Variants in SLC12A8 observed in about 807,000 individuals in gnomAD.
SLC12A8 encodes the protein solute carrier family 12 member 8, also known as cation-chloride cotransporter 9.
Under a neutral mutation model 75.6 loss-of-function variants are expected in SLC12A8, and 69 were observed. The observed-to-expected ratio is 0.91, with a 90% CI of 0.75 to 1.11. SLC12A8 has a LOEUF of 1.11. Among genes scored for constraint, SLC12A8 ranks in the 50% most tolerant of loss-of-function variants. The pLI is 0.00. For synonymous variants in SLC12A8, 365 were observed against 372.8 expected, an observed-to-expected ratio of 0.98 and a Z score of 0.24; for missense variants, 877 against 896.7, an observed-to-expected ratio of 0.98 and a Z score of 0.28.
At chr3:125,189,132 C>T (rs1199120677) in intron 3 of SLC12A8, among the ~76,000 whole-genome samples, 1 of 152,212 alleles carries the variant, frequency 6.6e-6, no homozygotes, top group Admixed American at 6.5e-5. Context: ...GGAGATTACC[C>T]TCCATAGTAT....
intron 2 of SLC12A8, among the ~76,000 whole-genome samples, chr3:125,194,070 G>A: frequency 6.6e-6 from 1 of 152,218 alleles, no homozygotes; most frequent in East Asian, 1.9e-4. Context: ...GCAAAGTAGA[G>A]ATAGAGGATG....
At chr3:125,202,650 T>TAAAAAAA (rs371036226) in intron 2 of SLC12A8, among the ~76,000 whole-genome samples, 59,004 of 149,650 alleles carry the variant, frequency 0.39, 13,242 homozygotes, top group Non-Finnish European at 0.5. Context: ...TTTTTTTTTT[T>TAAAAAAA]AAATCTGTAT....
chr3:125,184,484 AGAGCCATATGACCC>A (rs1934731959), intron 4 of SLC12A8, among the ~76,000 whole-genome samples: 2 of 152,168 alleles, frequency 1.3e-5, no homozygotes, highest in South Asian at 4.1e-4. Context: ...TAGTTGTGAC[AGAGCCATATGACCC>A]TCAAAACCCA....
At chr3:125,103,459 TAAAAAAAAAAA>T (rs34404091) in intron 10 of SLC12A8, among the ~76,000 whole-genome samples, 1 of 120,902 alleles carries the variant, frequency 8.3e-6, no homozygotes, top group African/African-American at 3.1e-5. Flanking sequence ...GTACTTCACT[TAAAAAAAAAAA>T]AAAAAAAAAA....
intron 3 of SLC12A8, among the ~76,000 whole-genome samples, chr3:125,189,904 G>A (rs1490914055): frequency 6.6e-6 from 1 of 152,130 alleles, no homozygotes; most frequent in African/African-American, 2.4e-5. Flanking sequence ...GTCCATCCTA[G>A]GCAATCCATC....
In SLC12A8 at chr3:125,086,704, C is replaced by T. The variant is rs867581376; in HGVS notation, c.1982+1606G>A. On this transcript the variant is annotated intron_variant, in intron 13 of 13. Transcript: ENST00000469902. Reference sequence around the variant, plus strand: ...ACCTGGCTCACCCAACCTTGTGCATCGGACAGGACAAGAGGCAGAAAGATC... The same window carrying T: ...ACCTGGCTCACCCAACCTTGTGCATTGGACAGGACAAGAGGCAGAAAGATC... Among the ~76,000 whole-genome samples the T allele has an allele frequency of 1.7e-4, 26 of 152,264 alleles. 1 individual carries two copies. Among genetic ancestry groups the T allele is most frequent in the Non-Finnish European group, 2.6e-4 (18 of 68,020 alleles).
chr3:125,212,579 A>T (rs533547055), intron 1 of SLC12A8, 121 bp downstream of exon 1: 2 of 152,510 alleles, frequency 1.3e-5, no homozygotes, highest in Admixed American at 1.3e-4. Context: ...GTAGGAGAGG[A>T]TCCACCTGGG....
chr3:125,190,552 G>A (rs768601932), intron 2 of SLC12A8, 31 bp from the exon 3 acceptor site: 1 of 1,610,382 alleles, frequency 6.2e-7, no homozygotes, highest in Non-Finnish European at 8.5e-7. Context: ...AATCAGCTGA[G>A]GGGCCATTGG....
At chr3:125,134,587 G>A (rs1458707551) in intron 6 of SLC12A8, among the ~76,000 whole-genome samples, 1 of 152,206 alleles carries the variant, frequency 6.6e-6, no homozygotes, top group Non-Finnish European at 1.5e-5. Flanking sequence ...ATCCTCTGCA[G>A]TAGATAACTA....
At chr3:125,084,267 A>G (rs1938403501) in intron 13 of SLC12A8, among the ~76,000 whole-genome samples, 2 of 149,646 alleles carry the variant, frequency 1.3e-5, no homozygotes, top group South Asian at 4.2e-4. Flanking sequence ...AGAGAGAGTG[A>G]TATTTACCCT....
At chr3:125,131,818 G>T (rs1206395010) in intron 6 of SLC12A8, among the ~76,000 whole-genome samples, 2 of 152,200 alleles carry the variant, frequency 1.3e-5, no homozygotes, top group Non-Finnish European at 2.9e-5. Flanking sequence ...TTTGACAGAA[G>T]ATTGGTTCTG....
chr3:125,159,249 G>A (rs1934111283), intron 5 of SLC12A8, among the ~76,000 whole-genome samples: 1 of 152,026 alleles, frequency 6.6e-6, no homozygotes, highest in Admixed American at 6.6e-5. Flanking sequence ...CCCACATCCT[G>A]CTAATATATA....
chr3:125,161,735 C>CAA (rs996783287), intron 5 of SLC12A8, among the ~76,000 whole-genome samples: 6 of 151,874 alleles, frequency 4.0e-5, no homozygotes, highest in African/African-American at 1.5e-4. Context: ...GAGGCTGCAA[C>CAA]GTCTTCCCAG....
chr3:125,164,216 G>A (rs6798307), intron 5 of SLC12A8, among the ~76,000 whole-genome samples: 20,230 of 152,142 alleles, frequency 0.13, 2,989 homozygotes, highest in African/African-American at 0.37. Flanking sequence ...CAGAGCCAGC[G>A]GGTGCCAGGG....
chr3:125,116,885 C>T (rs1298731570), intron 8 of SLC12A8, among the ~76,000 whole-genome samples: 1 of 152,208 alleles, frequency 6.6e-6, no homozygotes, highest in Non-Finnish European at 1.5e-5. Context: ...TGCAGCCAAG[C>T]TTTTCATTCC....
chr3:125,191,376 C>T (rs933452340), intron 2 of SLC12A8, among the ~76,000 whole-genome samples: 2 of 151,896 alleles, frequency 1.3e-5, no homozygotes, highest in African/African-American at 4.8e-5. Context: ...AGTAGTAACT[C>T]ACACTGTGAA....
chr3:125,157,856 T>G (rs1433975675), intron 5 of SLC12A8, among the ~76,000 whole-genome samples: 2 of 152,214 alleles, frequency 1.3e-5, no homozygotes, highest in African/African-American at 4.8e-5. Flanking sequence ...GGTGATTGTT[T>G]GGTTAGGGGA....
chr3:125,119,046 CA>C (rs1270288040), intron 7 of SLC12A8, 190 bp from the exon 8 acceptor site: 3 of 488,218 alleles, frequency 6.1e-6, no homozygotes, highest in Non-Finnish European at 1.1e-5. Flanking sequence ...TATTTCTTAC[CA>C]AAAAAGGGGT....
At chr3:125,126,582 A>T (rs1232978650) in intron 6 of SLC12A8, among the ~76,000 whole-genome samples, 3 of 152,096 alleles carry the variant, frequency 2.0e-5, no homozygotes, top group African/African-American at 7.2e-5. Flanking sequence ...CCCGTTTCCC[A>T]CCCCAATTCC....
Sources: gnomAD v4.1 joint callset for allele counts (sites outside exome capture counted in the v4.1 genomes callset) on GRCh38, gnomAD v4.1.1 for gene constraint, MANE v1.5 for transcripts, NCBI Gene and HGNC (gene_info 2026-07-23, HGNC 2026-07-21) for gene names.